Variants in SLC14A2 observed in about 807,000 individuals in gnomAD.
The protein encoded by SLC14A2 is urea transporter 2.
SLC14A2 carries 91 observed loss-of-function variants against 104.6 expected under a neutral mutation model. That is an observed-to-expected ratio of 0.87 (90% CI 0.73 to 1.04). The LOEUF is 1.04. Among genes scored for constraint, SLC14A2 ranks in the 50% least tolerant of loss-of-function variants. The pLI is 0.00. For synonymous variants in SLC14A2, 476 were observed against 466.4 expected (o/e 1.02, Z -0.27); for missense variants, 1,189 against 1,156.0 (o/e 1.03, Z -0.41).
In SLC14A2 at chr18:45,586,737, C is replaced by A. The variant is rs139341178; in HGVS notation, c.-34-37894C>A. ...TTTCCTCCATCTCCCAATCTACAAT[C>A]AGGTGTGTCAGTGGTTTGCAGCCTT... On this transcript the variant is annotated intron_variant, in intron 2 of 20. Coordinates refer to the SLC14A2 transcript ENST00000586448. Among the ~76,000 whole-genome samples, 40 of 152,188 alleles carry A rather than the reference C, an allele frequency of 2.6e-4. No homozygotes were observed. The South Asian group carries it at 2.9e-3, about 11-fold the overall frequency.
intron 3 of SLC14A2, 43 bp from the exon 4 acceptor site, chr18:45,626,915 C>T (rs2045265702): frequency 1.3e-6 from 2 of 1,551,102 alleles, no homozygotes; most frequent in Non-Finnish European, 1.8e-6. Context: ...AGCAGAGCAG[C>T]CCAAGCTGGA....
intron 1 of SLC14A2, among the ~76,000 whole-genome samples, chr18:45,247,821 G>A (rs1020221287): frequency 3.3e-5 from 5 of 151,410 alleles, no homozygotes; most frequent in Admixed American, 6.6e-5. Context: ...AAGCAACCAT[G>A]TCTCTCATGA....
At chr18:45,424,638 C>T (rs1311136442) in intron 1 of SLC14A2, among the ~76,000 whole-genome samples, 1 of 152,216 alleles carries the variant, frequency 6.6e-6, no homozygotes, top group Non-Finnish European at 1.5e-5. Flanking sequence ...TAATCATCTC[C>T]ATTGACTTTC....
intron 1 of SLC14A2, among the ~76,000 whole-genome samples, chr18:45,361,040 T>C (rs1053064389): frequency 6.6e-6 from 1 of 152,158 alleles, no homozygotes; most frequent in Non-Finnish European, 1.5e-5. Flanking sequence ...CCCGTATCCG[T>C]CAGTTCTTGT....
At chr18:45,522,818 A>G (rs1432557409) in intron 2 of SLC14A2, among the ~76,000 whole-genome samples, 2 of 152,168 alleles carry the variant, frequency 1.3e-5, no homozygotes, top group Non-Finnish European at 2.9e-5. Context: ...CATGTGGATC[A>G]TTAGAAAATC....
chr18:45,310,735 A>G (rs2085070185), intron 1 of SLC14A2, among the ~76,000 whole-genome samples: 1 of 152,222 alleles, frequency 6.6e-6, no homozygotes, highest in African/African-American at 2.4e-5. Context: ...ACAGCAAGAT[A>G]TGTAATCATG....
chr18:45,581,392 G>A (rs151046362), intron 2 of SLC14A2, among the ~76,000 whole-genome samples: 9 of 152,196 alleles, frequency 5.9e-5, no homozygotes, highest in African/African-American at 9.7e-5. Flanking sequence ...GAGAGAGGCC[G>A]TGGAGCCAGG....
the SLC14A2 span, among the ~76,000 whole-genome samples, chr18:45,201,576 G>C: frequency 6.7e-6 from 1 of 150,266 alleles, no homozygotes; most frequent in African/African-American, 2.4e-5. Context: ...GTGTGTGTGT[G>C]ATTAAATACT....
intron 1 of SLC14A2, among the ~76,000 whole-genome samples, chr18:45,329,464 T>G (rs749362993): frequency 2.6e-5 from 4 of 152,202 alleles, no homozygotes; most frequent in African/African-American, 9.6e-5. Flanking sequence ...TAGAAAAGAC[T>G]GTGTCCCAGG....
At chr18:45,453,296 G>A (rs903679618) in intron 1 of SLC14A2, among the ~76,000 whole-genome samples, 6 of 152,008 alleles carry the variant, frequency 3.9e-5, no homozygotes, top group African/African-American at 1.5e-4. Flanking sequence ...ATTGCTCTCC[G>A]GCATCCCCTG....
chr18:45,656,266 C>T (rs535027460), intron 10 of SLC14A2, among the ~76,000 whole-genome samples: 3 of 152,074 alleles, frequency 2.0e-5, no homozygotes, highest in Admixed American at 1.3e-4. Context: ...GAACACAAAC[C>T]AGACCTTGAA....
intron 1 of SLC14A2, among the ~76,000 whole-genome samples, chr18:45,405,073 G>A (rs182013033): frequency 2.6e-5 from 4 of 152,186 alleles, no homozygotes; most frequent in East Asian, 1.9e-4. Context: ...TACTAGTTGT[G>A]GCATTTTGCA....
intron 2 of SLC14A2, among the ~76,000 whole-genome samples, chr18:45,556,016 C>T (rs1051271956): frequency 1.3e-5 from 2 of 152,136 alleles, no homozygotes; most frequent in Non-Finnish European, 1.5e-5. Context: ...ATTTATTTCT[C>T]ACAATTCTGA....
At position 45,370,683 on chromosome 18, in the gene SLC14A2, G is replaced by A. The variant is rs530576494; in HGVS notation, c.-124-112550G>A. Among the ~76,000 whole-genome samples, 457 of 152,222 alleles carry A rather than the reference G, an allele frequency of 3.0e-3. 1 individual carries two copies. The highest frequency in any genetic ancestry group is 6.9e-3 in the South Asian group (33 of 4,816). On this transcript the variant is annotated intron_variant, in intron 1 of 20. Transcript: ENST00000586448. ...ACTTCACGCGGGACCCATCAGTCTG[G>A]TGGGAGAAAGAGAAGCTTGGAAACA... is the stretch of plus-strand genomic sequence containing the variant.
chr18:45,441,177 C>T (rs1044273892), intron 1 of SLC14A2, among the ~76,000 whole-genome samples: 9 of 152,146 alleles, frequency 5.9e-5, no homozygotes, highest in Non-Finnish European at 7.3e-5. Context: ...ATGTTCCAGC[C>T]TCACTGCTCA....
chr18:45,502,290 T>C (rs369603293), intron 2 of SLC14A2, among the ~76,000 whole-genome samples: 3 of 152,344 alleles, frequency 2.0e-5, no homozygotes, highest in African/African-American at 7.2e-5. Context: ...GTCTATTGTT[T>C]CACATATCAT....
In SLC14A2 at chr18:45,624,650, C is replaced by A; in HGVS notation, c.-15C>A. On this transcript the variant is annotated 5_prime_UTR_variant, in exon 2 of 20. The change creates a new upstream start codon in the 5' untranslated region. Transcript: ENST00000255226. ...GTCTAGTCCATCGATAGAAGAGTGG[C>A]TGTGACCCGAAGGAATGTCTGACCC... 1 of 1,606,072 alleles carries A rather than the reference C, an allele frequency of 6.2e-7. No individual in the cohort carries two copies. Among genetic ancestry groups the A allele is most frequent in the Non-Finnish European group, 8.5e-7 (1 of 1,175,754 alleles).
chr18:45,230,509 C>T (rs2084164096), intron 1 of SLC14A2, among the ~76,000 whole-genome samples: 1 of 152,196 alleles, frequency 6.6e-6, no homozygotes, highest in South Asian at 2.1e-4. Context: ...GGAAAGATTT[C>T]TGTGAAGGAG....
intron 1 of SLC14A2, among the ~76,000 whole-genome samples, chr18:45,619,782 T>G (rs1375001584): frequency 3.9e-5 from 6 of 152,198 alleles, no homozygotes. Context: ...CTGTTCCGTT[T>G]CACACCAGCC....
Sources: gnomAD v4.1 joint callset for allele counts (sites outside exome capture counted in the v4.1 genomes callset) on GRCh38, gnomAD v4.1.1 for gene constraint, MANE v1.5 for transcripts, NCBI Gene and HGNC (gene_info 2026-07-23, HGNC 2026-07-21) for gene names.